CHODL: variants seen among roughly 807,000 people sequenced by gnomAD.
The protein encoded by CHODL is transmembrane protein MT75.
CHODL carries 29 observed loss-of-function variants against 34.5 expected under a neutral mutation model. The ratio of observed to expected loss-of-function variants is 0.84; its 90% confidence interval spans 0.63 to 1.15. The LOEUF (loss-of-function observed/expected upper bound fraction) is 1.15, where lower values mean the gene tolerates loss of function less well. Among genes scored for constraint, CHODL ranks in the 50% most tolerant of loss-of-function variants. The pLI is 0.00. For synonymous variants in CHODL, 125 were observed against 116.1 expected (o/e 1.08, Z -0.49); for missense variants, 332 against 332.5 (o/e 1.00, Z 0.01).
intron 1 of CHODL, among the ~76,000 whole-genome samples, chr21:17,946,240 A>G (rs1454291822): frequency 6.6e-6 from 1 of 152,118 alleles, no homozygotes; most frequent in Non-Finnish European, 1.5e-5. Context: ...ACATGGTGAA[A>G]CCCCGTCTCT....
At chr21:18,118,100 C>T (rs1159210616) in intron 2 of CHODL, among the ~76,000 whole-genome samples, 1 of 152,144 alleles carries the variant, frequency 6.6e-6, no homozygotes, top group Non-Finnish European at 1.5e-5. Flanking sequence ...TCAATTAAAA[C>T]ACAATGTTTA....
chr21:17,944,815 A>G (rs562328128), intron 1 of CHODL, among the ~76,000 whole-genome samples: 1 of 152,336 alleles, frequency 6.6e-6, no homozygotes, highest in Admixed American at 6.5e-5. Context: ...TATCCCTTCC[A>G]AAGAACTTGT....
intron 2 of CHODL, among the ~76,000 whole-genome samples, chr21:18,225,491 A>G (rs1222444009): frequency 1.3e-5 from 2 of 152,182 alleles, no homozygotes; most frequent in South Asian, 2.1e-4. Flanking sequence ...ATTTGGAGAC[A>G]TATCCACCTT....
At chr21:18,182,270 T>G (rs925056763) in intron 2 of CHODL, among the ~76,000 whole-genome samples, 1 of 152,146 alleles carries the variant, frequency 6.6e-6, no homozygotes, top group African/African-American at 2.4e-5. Context: ...TTCAGACAAT[T>G]TAAGATGATC....
chr21:18,191,948 A>G (rs1177366489), intron 2 of CHODL, among the ~76,000 whole-genome samples: 1 of 152,218 alleles, frequency 6.6e-6, no homozygotes, highest in Non-Finnish European at 1.5e-5. Flanking sequence ...GAGTGTTTAA[A>G]AAAGGAAACT....
chr21:18,000,896 G>A (rs1273033700), intron 1 of CHODL, among the ~76,000 whole-genome samples: 1 of 152,016 alleles, frequency 6.6e-6, no homozygotes, highest in Admixed American at 6.5e-5. Flanking sequence ...CCTGAGATAG[G>A]TTTCAAATTT....
intron 1 of CHODL, among the ~76,000 whole-genome samples, chr21:17,963,029 A>G (rs1600836879): frequency 6.6e-6 from 1 of 150,868 alleles, no homozygotes; most frequent in African/African-American, 2.4e-5. Flanking sequence ...GCACCACTGC[A>G]CTCCAGCCTG....
intron 2 of CHODL, among the ~76,000 whole-genome samples, chr21:18,203,524 C>T (rs1439645131): frequency 6.6e-6 from 1 of 152,156 alleles, no homozygotes; most frequent in African/African-American, 2.4e-5. Flanking sequence ...TTTCTTGTTA[C>T]AATTGAAAGT....
chr21:18,163,515 T>C (rs2824670), intron 2 of CHODL, among the ~76,000 whole-genome samples: 4 of 151,876 alleles, frequency 2.6e-5, no homozygotes, highest in African/African-American at 7.3e-5. Flanking sequence ...TTGAGGAAGA[T>C]ATAGCTAGGA....
At chr21:17,998,057 G>T (rs1483205580) in intron 1 of CHODL, among the ~76,000 whole-genome samples, 1 of 152,186 alleles carries the variant, frequency 6.6e-6, no homozygotes, top group African/African-American at 2.4e-5. Flanking sequence ...CCTATCAAAT[G>T]AAAAGCAAGC....
chr21:18,184,613 C>A (rs2073418801), intron 2 of CHODL, among the ~76,000 whole-genome samples: 2 of 152,148 alleles, frequency 1.3e-5, no homozygotes, highest in Non-Finnish European at 2.9e-5. Context: ...CTCTTAAGTT[C>A]TAAGTCATCA....
chr21:18,232,894 C>T (rs945996356), intron 2 of CHODL, among the ~76,000 whole-genome samples: 4 of 140,168 alleles, frequency 2.9e-5, no homozygotes, highest in African/African-American at 8.3e-5. Context: ...TTATGGGGTC[C>T]ATATAATTAT....
At chr21:18,063,505 C>T (rs181363423) in intron 2 of CHODL, among the ~76,000 whole-genome samples, 8 of 152,056 alleles carry the variant, frequency 5.3e-5, no homozygotes, top group South Asian at 2.1e-4. Context: ...AAGAGAAAAT[C>T]GGTCATGTGC....
At chr21:18,248,096 A>T (rs891191814) in intron 1 of CHODL, among the ~76,000 whole-genome samples, 8 of 151,166 alleles carry the variant, frequency 5.3e-5, no homozygotes, top group Non-Finnish European at 1.0e-4. Context: ...GGAATATTTC[A>T]TGGTGCTTCC....
intron 2 of CHODL, among the ~76,000 whole-genome samples, chr21:18,174,123 G>GTATATATATATATATATATA (rs1159511070): frequency 4.6e-5 from 1 of 21,556 alleles, no homozygotes; most frequent in African/African-American, 1.2e-4. Context: ...ATATCTTGGT[G>GTATATATATATATATATATA]TATATATATA....
rs1882890 is a variant in CHODL at position 18,103,208 on chromosome 21, A to T, written c.-45+75237A>T. 7.3e-3 allele frequency among the ~76,000 whole-genome samples: 1,105 copies of T among 152,262 alleles called. 15 individuals carry two copies. The highest frequency in any genetic ancestry group is 0.025 in the African/African-American group (1,052 of 41,564). On this transcript the variant is annotated intron_variant, in intron 2 of 6. Transcript: ENST00000400127. ...GAATGAAAGAAATGAGAAAATGTGA[A>T]ATCTTTTTAAACTATGTTTTTCTAC...
At chr21:18,184,030 G>T (rs966530869) in intron 2 of CHODL, among the ~76,000 whole-genome samples, 3 of 151,912 alleles carry the variant, frequency 2.0e-5, no homozygotes, top group Non-Finnish European at 4.4e-5. Context: ...TTTTACTTTG[G>T]ACTCAAAATG....
chr21:18,244,294 A>G (rs2074109936), upstream of CHODL, among the ~76,000 whole-genome samples: 1 of 152,220 alleles, frequency 6.6e-6, no homozygotes, highest in Admixed American at 6.5e-5. Context: ...CATGCTTCAA[A>G]TATTCCTTTC....
intron 1 of CHODL, among the ~76,000 whole-genome samples, chr21:17,971,432 G>T (rs2063613400): frequency 6.6e-6 from 1 of 152,132 alleles, no homozygotes; most frequent in Non-Finnish European, 1.5e-5. Context: ...CATTCTAACT[G>T]GCATGAGACG....
Sources: gnomAD v4.1 joint callset for allele counts (sites outside exome capture counted in the v4.1 genomes callset) on GRCh38, gnomAD v4.1.1 for gene constraint, MANE v1.5 for transcripts, NCBI Gene and HGNC (gene_info 2026-07-23, HGNC 2026-07-21) for gene names.